Variants in CDK14 observed in about 807,000 individuals in gnomAD.
CDK14 encodes cyclin dependent kinase 14.
A neutral mutation model predicts 60.7 loss-of-function variants in CDK14; 34 were observed. The ratio of observed to expected loss-of-function variants is 0.56; its 90% CI spans 0.43 to 0.75. The LOEUF (loss-of-function observed/expected upper bound fraction) is 0.75. CDK14 is among the 30% of genes least tolerant of loss of function. The pLI is 0.00. For missense variants in CDK14, 482 were observed against 564.1 expected (o/e 0.85, Z 1.47); for synonymous variants, 197 against 203.7 (o/e 0.97, Z 0.28).
rs575211277 is a variant in CDK14 at position 90,819,499 on chromosome 7, A to T, written c.544+28847A>T. On this transcript the variant is annotated intron_variant, in intron 5 of 14. Coordinates refer to ENST00000380050, the MANE Select transcript of CDK14 (RefSeq NM_001287135.2). ...TTCCCTTTGGAGTTTTTTTTTTTTT[A>T]AATTTCATGGAAAGAAACATGTAGA... Among the ~76,000 whole-genome samples the T allele has an allele frequency of 5.6e-3, 834 of 149,358 alleles. 5 individuals carry two copies. The highest frequency in any genetic ancestry group is 0.014 in the Admixed American group (207 of 15,084).
chr7:90,913,703 TCCAGG>T (rs1792982653), intron 7 of CDK14, among the ~76,000 whole-genome samples: 2 of 152,198 alleles, frequency 1.3e-5, no homozygotes, highest in Non-Finnish European at 2.9e-5. Context: ...CAAAAGTCTG[TCCAGG>T]TGTGTTGACA....
At chr7:91,137,697 T>G (rs2374388) in intron 14 of CDK14, among the ~76,000 whole-genome samples, 8,396 of 51,180 alleles carry the variant, frequency 0.16, 713 homozygotes, top group East Asian at 0.64. Context: ...GTGGGGGGTG[T>G]GTGTGTGTGT....
chr7:91,196,878 C>G (rs1352014190), intron 14 of CDK14, among the ~76,000 whole-genome samples: 1 of 152,188 alleles, frequency 6.6e-6, no homozygotes, highest in African/African-American at 2.4e-5. Flanking sequence ...TCACCTTTTA[C>G]CATTCTCAGT....
At chr7:90,644,326 T>A (rs150851233) in intron 2 of CDK14, among the ~76,000 whole-genome samples, 45 of 152,364 alleles carry the variant, frequency 3.0e-4, no homozygotes, top group African/African-American at 1.1e-3. Context: ...ATTTATTACC[T>A]AACATATATC....
At chr7:90,694,920 G>A (rs1450024722) in intron 2 of CDK14, among the ~76,000 whole-genome samples, 1 of 152,186 alleles carries the variant, frequency 6.6e-6, no homozygotes, top group East Asian at 1.9e-4. Context: ...TCTTATCTGT[G>A]TGTGGATCTG....
At chr7:90,937,887 T>C (rs1793804533) in intron 8 of CDK14, among the ~76,000 whole-genome samples, 1 of 152,218 alleles carries the variant, frequency 6.6e-6, no homozygotes, top group Non-Finnish European at 1.5e-5. Context: ...AAATAGATAA[T>C]GAAATAATTT....
rs554873101 is a variant in CDK14, at chr7:90,789,913, G to A, written c.465-660G>A. Among the ~76,000 whole-genome samples, 88 of 152,072 alleles carry A rather than the reference G, an allele frequency of 5.8e-4. No homozygotes were observed. The South Asian group carries it at 0.014, about 24-fold the overall frequency. On this transcript the variant is annotated intron_variant, in intron 4 of 14. Coordinates refer to ENST00000380050, the MANE Select transcript of CDK14 (RefSeq NM_001287135.2). Reference sequence around the variant, plus strand: ...TAGCACAATCTTACTTTTAATTGGCGCCAACACATATTTAGAATGTGTCTG... The same window carrying A: ...TAGCACAATCTTACTTTTAATTGGCACCAACACATATTTAGAATGTGTCTG...
intron 4 of CDK14, among the ~76,000 whole-genome samples, chr7:90,749,665 G>A (rs1017882034): frequency 6.6e-6 from 1 of 152,210 alleles, no homozygotes; most frequent in African/African-American, 2.4e-5. Context: ...CAAATCTCCA[G>A]GGATCTGGAG....
At chr7:90,984,999 A>G (rs1018180715) in intron 10 of CDK14, among the ~76,000 whole-genome samples, 1 of 152,194 alleles carries the variant, frequency 6.6e-6, no homozygotes, top group Non-Finnish European at 1.5e-5. Flanking sequence ...ACTAGAAAGG[A>G]AAAACATTAT....
At chr7:90,682,322 A>G (rs911647111) in intron 2 of CDK14, among the ~76,000 whole-genome samples, 9 of 152,192 alleles carry the variant, frequency 5.9e-5, no homozygotes, top group Middle Eastern at 3.2e-3. Flanking sequence ...TTTTCTTTGG[A>G]AATAATTTAA....
At chr7:90,709,748 C>T in intron 2 of CDK14, 1 of 1,417,468 alleles carries the variant, frequency 7.1e-7, no homozygotes, top group South Asian at 1.6e-5. Flanking sequence ...CTGAGATTAG[C>T]TTCTCTTAGG....
At chr7:90,811,149 C>A (rs899184359) in intron 5 of CDK14, among the ~76,000 whole-genome samples, 4 of 151,958 alleles carry the variant, frequency 2.6e-5, no homozygotes, top group Non-Finnish European at 4.4e-5. Context: ...AAAAGAGCCC[C>A]CATTGCCAAG....
At chr7:91,001,258 T>C (rs1488344647) in intron 10 of CDK14, among the ~76,000 whole-genome samples, 1 of 152,192 alleles carries the variant, frequency 6.6e-6, no homozygotes. Flanking sequence ...TAAGGGAGAC[T>C]AGTAAGAATT....
At chr7:91,077,295 A>G (rs564526193) in intron 11 of CDK14, among the ~76,000 whole-genome samples, 20 of 152,366 alleles carry the variant, frequency 1.3e-4, no homozygotes, top group African/African-American at 4.6e-4. Context: ...GTACATATTA[A>G]CCATGGAATA....
Position 91,091,297 on chromosome 7 carries a change from T to G in CDK14, c.1154+11817T>G, listed in dbSNP as rs1464071641. On this transcript the variant is annotated intron_variant, in intron 12 of 14. Transcript: ENST00000380050. ...ATATAAATATATATGTATATATTTT[T>G]ATATATACATATATAATTTATGTAT... Among the ~76,000 whole-genome samples the G allele has an allele frequency of 4.1e-5, 6 of 145,098 alleles. No individual in the cohort carries two copies. In the Admixed American group the frequency reaches 4.2e-4, roughly 10 times the overall value.
At chr7:90,984,294 T>A in intron 10 of CDK14, 53 bp downstream of exon 10, 4 of 1,092,678 alleles carry the variant, frequency 3.7e-6, no homozygotes, top group Non-Finnish European at 5.7e-6. Flanking sequence ...ATTAGTCACT[T>A]AGTGACAAAT....
chr7:90,885,735 G>A (rs759379726), intron 6 of CDK14, among the ~76,000 whole-genome samples: 25 of 152,140 alleles, frequency 1.6e-4, no homozygotes, highest in South Asian at 2.1e-4. Flanking sequence ...CTATGCAGCC[G>A]TAAAAAGAAA....
At chr7:90,832,212 C>T (rs544428816) in intron 5 of CDK14, among the ~76,000 whole-genome samples, 145 of 152,200 alleles carry the variant, frequency 9.5e-4, no homozygotes, top group African/African-American at 3.3e-3. Flanking sequence ...TTTATTGTTA[C>T]AAATTTACTG....
chr7:90,773,869 CT>C (rs1804892864), intron 4 of CDK14, among the ~76,000 whole-genome samples: 1 of 116,694 alleles, frequency 8.6e-6, no homozygotes, highest in African/African-American at 3.2e-5. Context: ...CTCCTCTCCT[CT>C]CCTCTCCTCT....
Sources: allele counts gnomAD v4.1 joint callset (sites outside exome capture counted in the v4.1 genomes callset), GRCh38; gene constraint gnomAD v4.1.1; transcripts MANE v1.5; gene names NCBI Gene and HGNC (gene_info 2026-07-23, HGNC 2026-07-21).